Variants in NEK10 observed in about 807,000 individuals in gnomAD.
The protein encoded by NEK10 is serine/threonine-protein kinase Nek10.
In NEK10, 122 loss-of-function variants were observed where a neutral mutation model predicts 159.8. The ratio of observed to expected loss-of-function variants is 0.76; its 90% CI spans 0.66 to 0.89. NEK10 has a LOEUF of 0.89. Ranked by LOEUF, NEK10 falls within the 40% of genes least tolerant of loss-of-function variation. The pLI is 0.00. For synonymous variants in NEK10, 466 were observed against 457.1 expected (o/e 1.02, Z -0.25); for missense variants, 1,342 against 1,323.1 (o/e 1.01, Z -0.22).
chr3:27,225,918 T>TCC (rs556095773), intron 23 of NEK10, among the ~76,000 whole-genome samples: 15 of 151,682 alleles, frequency 9.9e-5, no homozygotes, highest in African/African-American at 3.6e-4. Context: ...AGGTAGGAAG[T>TCC]CCCCCCCAGA....
intron 5 of NEK10, among the ~76,000 whole-genome samples, chr3:27,342,486 C>A (rs2047267324): frequency 6.6e-6 from 1 of 152,154 alleles, no homozygotes; most frequent in African/African-American, 2.4e-5. Context: ...CCTTGATGTT[C>A]AACATTCCTG....
chr3:27,250,276 T>C (rs1327202313), intron 23 of NEK10, among the ~76,000 whole-genome samples: 1 of 151,920 alleles, frequency 6.6e-6, no homozygotes, highest in East Asian at 1.9e-4. Context: ...AAGCACCGCC[T>C]CCCAGGTTCA....
At chr3:27,225,010 G>A (rs1406510149) in intron 23 of NEK10, among the ~76,000 whole-genome samples, 5 of 152,166 alleles carry the variant, frequency 3.3e-5, no homozygotes, top group South Asian at 2.1e-4. Context: ...TAATGGAATC[G>A]ATATGTATAT....
At chr3:27,194,164 C>T (rs1465395047) in intron 25 of NEK10, 1 of 147,370 alleles carries the variant, frequency 6.8e-6, no homozygotes, top group Non-Finnish European at 1.5e-5. Flanking sequence ...CTCGCTCTGT[C>T]GCCCAGTCTG....
chr3:27,344,520 C>A (rs930545672), intron 4 of NEK10, 150 bp from the exon 5 acceptor site: 3 of 466,190 alleles, frequency 6.4e-6, no homozygotes, highest in Non-Finnish European at 1.1e-5. Context: ...ATTGAAGGAG[C>A]CTTGCGTTTA....
intron 23 of NEK10, among the ~76,000 whole-genome samples, chr3:27,236,654 T>C (rs1032682273): frequency 2.0e-5 from 3 of 152,146 alleles, no homozygotes; most frequent in Non-Finnish European, 4.4e-5. Context: ...AGCAGGTTTT[T>C]ATTAAGGACT....
chr3:27,114,100 T>G (rs1940017432), intron 35 of NEK10, among the ~76,000 whole-genome samples: 1 of 152,214 alleles, frequency 6.6e-6, no homozygotes, highest in African/African-American at 2.4e-5. Context: ...TAGAGCCTGC[T>G]TTGGGAAGAG....
chr3:27,342,466 A>G (rs1381572925), intron 5 of NEK10, among the ~76,000 whole-genome samples: 1 of 152,188 alleles, frequency 6.6e-6, no homozygotes, highest in African/African-American at 2.4e-5. Flanking sequence ...AGGATGACAT[A>G]AAAGGATGCC....
intron 26 of NEK10, among the ~76,000 whole-genome samples, chr3:27,178,893 A>T (rs560556972): frequency 6.6e-6 from 1 of 152,286 alleles, no homozygotes; most frequent in African/African-American, 2.4e-5. Context: ...CCCCCTACCC[A>T]GTGGTAGATG....
chr3:27,150,867 C>T (rs2148740546), intron 30 of NEK10, among the ~76,000 whole-genome samples: 1 of 152,254 alleles, frequency 6.6e-6, no homozygotes, highest in South Asian at 2.1e-4. Context: ...TCATTAAAAA[C>T]ATGTATGCAT....
At chr3:27,312,460 T>G (rs2044775650) in intron 7 of NEK10, among the ~76,000 whole-genome samples, 1 of 152,194 alleles carries the variant, frequency 6.6e-6, no homozygotes, top group Non-Finnish European at 1.5e-5. Flanking sequence ...GTAAGTTTGT[T>G]GTGTAATTTA....
intron 30 of NEK10, among the ~76,000 whole-genome samples, chr3:27,146,230 C>T (rs1944285101): frequency 6.6e-6 from 1 of 152,172 alleles, no homozygotes; most frequent in Non-Finnish European, 1.5e-5. Context: ...TGCTTTGACA[C>T]TTGACACTTG....
chr3:27,139,173 A>C (rs144554967), intron 31 of NEK10, among the ~76,000 whole-genome samples: 28 of 152,320 alleles, frequency 1.8e-4, no homozygotes, highest in African/African-American at 6.5e-4. Context: ...TAGAAAAAAA[A>C]AGAATTCTAA....
At chr3:27,219,225 G>T (rs1951853414) in intron 23 of NEK10, among the ~76,000 whole-genome samples, 1 of 152,214 alleles carries the variant, frequency 6.6e-6, no homozygotes, top group Non-Finnish European at 1.5e-5. Flanking sequence ...TACCAGGGGA[G>T]TTTCCATGGG....
At chr3:27,310,173 C>T (rs1172154059) in intron 9 of NEK10, 3 of 152,084 alleles carry the variant, frequency 2.0e-5, no homozygotes, top group Non-Finnish European at 2.9e-5. Context: ...TTTTTCTTCT[C>T]TCTTTCTTCT....
At chr3:27,136,325 G>A (rs1286871900) in intron 31 of NEK10, among the ~76,000 whole-genome samples, 2 of 151,646 alleles carry the variant, frequency 1.3e-5, no homozygotes, top group Non-Finnish European at 1.5e-5. Flanking sequence ...TGTTAGCCAG[G>A]ATGGTCTCGA....
chr3:27,341,090 C>T (rs1305945530), intron 5 of NEK10, among the ~76,000 whole-genome samples: 1 of 151,808 alleles, frequency 6.6e-6, no homozygotes, highest in African/African-American at 2.4e-5. Flanking sequence ...GTGAAATAAC[C>T]CAGGCATAGA....
intron 31 of NEK10, among the ~76,000 whole-genome samples, chr3:27,136,103 A>ATTTTTTTTTTTTTTTTTTTTT (rs775843715): frequency 4.9e-5 from 3 of 60,680 alleles, no homozygotes; most frequent in Non-Finnish European, 3.1e-5. Flanking sequence ...TAGGAGATCG[A>ATTTTTTTTTTTTTTTTTTTTT]TTTTTTTTTT....
chr3:27,130,490 T>C (rs1041071880), intron 32 of NEK10, among the ~76,000 whole-genome samples: 1 of 152,044 alleles, frequency 6.6e-6, no homozygotes, highest in Non-Finnish European at 1.5e-5. Context: ...ACCAAAAACA[T>C]AAGTAATAAA....
Sources: allele counts gnomAD v4.1 joint callset (sites outside exome capture counted in the v4.1 genomes callset), GRCh38; gene constraint gnomAD v4.1.1; transcripts MANE v1.5; gene names NCBI Gene and HGNC (gene_info 2026-07-23, HGNC 2026-07-21).